The following IL1RAPL1 variants were observed in gnomAD, a reference collection of about 807,000 sequenced individuals.
IL1RAPL1 encodes interleukin-1 receptor accessory protein-like 1.
A neutral mutation model predicts 48.4 loss-of-function variants in IL1RAPL1; 3 were observed. That is an observed-to-expected ratio of 0.06 (90% CI 0.03 to 0.16). The LOEUF is 0.16. IL1RAPL1 is among the 10% of genes least tolerant of loss of function. The pLI, the probability that IL1RAPL1 is intolerant of heterozygous loss-of-function variation, is 1.00. For synonymous variants in IL1RAPL1, 185 were observed against 187.7 expected, an observed-to-expected ratio of 0.99 and a Z score of 0.12; for missense variants, 349 against 530.6, an observed-to-expected ratio of 0.66 and a Z score of 3.36.
At chrX:28,820,987 T>C (rs1413033277) in intron 2 of IL1RAPL1, among the ~76,000 whole-genome samples, 1 of 111,549 alleles carries the variant, frequency 9.0e-6, no homozygotes, top group African/African-American at 3.3e-5. Flanking sequence ...GGGGCCGTAA[T>C]GATGCTGAGT....
chrX:29,950,446 T>A (rs1318265277), intron 9 of IL1RAPL1, among the ~76,000 whole-genome samples: 1 of 111,665 alleles, frequency 9.0e-6, no homozygotes, highest in Non-Finnish European at 1.9e-5. Context: ...CATTGAGACC[T>A]CTGCATGCCT....
chrX:29,543,038 C>T (rs757562905), intron 5 of IL1RAPL1, among the ~76,000 whole-genome samples: 1 of 110,841 alleles, frequency 9.0e-6, no homozygotes, highest in South Asian at 3.9e-4. Context: ...AAATATTGGC[C>T]AGTCTGTCTT....
intron 1 of IL1RAPL1, among the ~76,000 whole-genome samples, chrX:28,727,053 T>G (rs982327805): frequency 1.2e-4 from 13 of 111,947 alleles, no homozygotes; most frequent in African/African-American, 3.9e-4. Flanking sequence ...ATAAAAATAA[T>G]TTTCCAATTC....
At chrX:29,298,937 G>C (rs1470349706) in intron 3 of IL1RAPL1, among the ~76,000 whole-genome samples, 1 of 111,000 alleles carries the variant, frequency 9.0e-6, no homozygotes, top group African/African-American at 3.3e-5. Flanking sequence ...GGGTGTATCT[G>C]TGAGGGTGTT....
chrX:29,204,738 A>C (rs1330567056), intron 2 of IL1RAPL1, among the ~76,000 whole-genome samples: 1 of 111,667 alleles, frequency 9.0e-6, no homozygotes, highest in Non-Finnish European at 1.9e-5. Context: ...TTCCCTATAC[A>C]TTGTGCTTAT....
chrX:28,736,818 G>T (rs567894243), intron 1 of IL1RAPL1, among the ~76,000 whole-genome samples: 1 of 111,750 alleles, frequency 8.9e-6, no homozygotes, highest in African/African-American at 3.3e-5. Flanking sequence ...TTTTTATTTT[G>T]TTTTTCACTA....
chrX:29,020,588 C>T (rs1222965824), intron 2 of IL1RAPL1, among the ~76,000 whole-genome samples: 1 of 111,676 alleles, frequency 9.0e-6, no homozygotes, highest in African/African-American at 3.3e-5. Flanking sequence ...ATATCCTCAT[C>T]GTTCAGTGAT....
At chrX:28,848,883 T>G (rs931743878) in intron 2 of IL1RAPL1, among the ~76,000 whole-genome samples, 2 of 111,823 alleles carry the variant, frequency 1.8e-5, no homozygotes, top group Admixed American at 9.5e-5. Flanking sequence ...TATTGGACTT[T>G]CAGATGCAAA....
At chrX:29,711,472 C>T (rs1480873837) in intron 6 of IL1RAPL1, among the ~76,000 whole-genome samples, 2 of 110,772 alleles carry the variant, frequency 1.8e-5, no homozygotes, top group Non-Finnish European at 3.8e-5. Context: ...TGTGAGCCAC[C>T]GCGCCTAGCC....
At chrX:29,686,819 A>G (rs761489851) in intron 6 of IL1RAPL1, among the ~76,000 whole-genome samples, 32 of 110,269 alleles carry the variant, frequency 2.9e-4, no homozygotes, top group Admixed American at 2.8e-3. Flanking sequence ...CGGCCTCCCA[A>G]AGTGCTGGGA....
At position 28,617,671 on chromosome X, in the gene IL1RAPL1, A is replaced by G. The variant is rs183972990; in HGVS notation, c.-25+29624A>G. Among the ~76,000 whole-genome samples the G allele has an allele frequency of 6.8e-4, 76 of 112,446 alleles. No individual in the cohort carries two copies. In the East Asian group the frequency reaches 0.017, roughly 26 times the overall value. On this transcript the variant is annotated intron_variant, in intron 1 of 10. Transcript: ENST00000378993. Reference sequence around the variant, plus strand: ...ACCAGATATGGGATCTTACTATCCAATTGAACCTAGGAAATACAAATGATT... The same window carrying G: ...ACCAGATATGGGATCTTACTATCCAGTTGAACCTAGGAAATACAAATGATT...
At chrX:29,695,343 C>T (rs1405907596) in intron 6 of IL1RAPL1, among the ~76,000 whole-genome samples, 1 of 111,718 alleles carries the variant, frequency 9.0e-6, no homozygotes, top group African/African-American at 3.3e-5. Context: ...CAACAACTGA[C>T]ACAAATAGTT....
intron 2 of IL1RAPL1, among the ~76,000 whole-genome samples, chrX:29,085,145 CATA>C (rs915113991): frequency 9.9e-5 from 11 of 111,346 alleles, no homozygotes; most frequent in Non-Finnish European, 1.9e-4. Context: ...AATGATAGTA[CATA>C]ATAATAAAAC....
intron 1 of IL1RAPL1, among the ~76,000 whole-genome samples, chrX:28,711,141 A>G (rs1029774697): frequency 6.2e-5 from 7 of 112,216 alleles, no homozygotes; most frequent in African/African-American, 2.3e-4. Flanking sequence ...GCAAAAGATG[A>G]TGGAGACTCA....
chrX:28,736,846 G>A (rs1256222350), intron 1 of IL1RAPL1, among the ~76,000 whole-genome samples: 1 of 112,014 alleles, frequency 8.9e-6, no homozygotes, highest in African/African-American at 3.2e-5. Flanking sequence ...TCCTTCAGGA[G>A]TGTGTTGCAT....
At chrX:29,792,361 A>T (rs919285676) in intron 6 of IL1RAPL1, among the ~76,000 whole-genome samples, 4 of 111,617 alleles carry the variant, frequency 3.6e-5, no homozygotes, top group African/African-American at 9.8e-5. Context: ...TCTTTTTTTT[A>T]AATTAAACAA....
intron 3 of IL1RAPL1, among the ~76,000 whole-genome samples, chrX:29,319,485 TAA>T (rs1932787714): frequency 9.8e-6 from 1 of 101,721 alleles, no homozygotes; most frequent in Non-Finnish European, 2.0e-5. Flanking sequence ...ATTATAGACA[TAA>T]GTCACCATGC....
chrX:29,739,205 A>G (rs1352244951), intron 6 of IL1RAPL1, among the ~76,000 whole-genome samples: 2 of 112,617 alleles, frequency 1.8e-5, no homozygotes, highest in African/African-American at 6.5e-5. Flanking sequence ...CTTCTGTATT[A>G]TGCTGTCTCT....
At chrX:29,937,956 A>G (rs955572304) in intron 8 of IL1RAPL1, among the ~76,000 whole-genome samples, 2 of 111,825 alleles carry the variant, frequency 1.8e-5, no homozygotes, top group Admixed American at 1.9e-4. Flanking sequence ...CTCTAAGCAT[A>G]TATAACTTTT....
Sources: gnomAD v4.1 joint callset for allele counts (sites outside exome capture counted in the v4.1 genomes callset) on GRCh38, gnomAD v4.1.1 for gene constraint, MANE v1.5 for transcripts, NCBI Gene and HGNC (gene_info 2026-07-23, HGNC 2026-07-21) for gene names.